ADGRL2: variants seen among roughly 807,000 people sequenced by gnomAD.
ADGRL2 encodes calcium-independent alpha-latrotoxin receptor 2.
A neutral mutation model predicts 157.4 loss-of-function variants in ADGRL2; 44 were observed. The ratio of observed to expected loss-of-function variants is 0.28; its 90% CI spans 0.22 to 0.36. The LOEUF (loss-of-function observed/expected upper bound fraction) is 0.36, where lower values mean the gene tolerates loss of function less well. ADGRL2 is among the 10% of genes least tolerant of loss of function. The pLI, the probability that ADGRL2 is intolerant of heterozygous loss-of-function variation, is 1.00. For synonymous variants in ADGRL2, 585 were observed against 624.7 expected (o/e 0.94, Z 0.95); for missense variants, 1,510 against 1,768.9 (o/e 0.85, Z 2.63).
At chr1:81,750,583 G>T (rs550768473) in intron 1 of ADGRL2, among the ~76,000 whole-genome samples, 29 of 152,132 alleles carry the variant, frequency 1.9e-4, no homozygotes, top group African/African-American at 6.7e-4. Context: ...CCAGGCATGA[G>T]GGCAGGTGCC....
intron 1 of ADGRL2, among the ~76,000 whole-genome samples, chr1:81,414,764 G>C (rs1474238863): frequency 6.6e-6 from 1 of 152,202 alleles, no homozygotes; most frequent in African/African-American, 2.4e-5. Context: ...TTTGGTGATG[G>C]GAAAAGCTTT....
In ADGRL2 at chr1:81,888,104, C is replaced by T. The variant is rs369436601; in HGVS notation, c.74-18913C>T. On this transcript the variant is annotated intron_variant, in intron 2 of 23. Transcript: ENST00000686636. ...GCTAGGATTAGCTCTCCTTTTAGAA[C>T]GATGAAAGTAGTAATGTGATTGTTG... Among the ~76,000 whole-genome samples, 30 of 152,100 alleles carry T rather than the reference C, an allele frequency of 2.0e-4. No individual in the cohort carries two copies. The East Asian group carries it at 4.3e-3, about 22-fold the overall frequency.
intron 1 of ADGRL2, among the ~76,000 whole-genome samples, chr1:81,391,083 A>C (rs2076542843): frequency 6.6e-6 from 1 of 152,308 alleles, no homozygotes. Context: ...GCTTTAGTTT[A>C]GCATATGCTG....
chr1:81,572,295 A>G (rs2080711197), intron 2 of ADGRL2, among the ~76,000 whole-genome samples: 2 of 152,228 alleles, frequency 1.3e-5, no homozygotes. Flanking sequence ...CTCTTATTAT[A>G]TCTACTACAG....
chr1:81,929,258 T>C (rs945026330), intron 3 of ADGRL2, among the ~76,000 whole-genome samples: 2 of 152,188 alleles, frequency 1.3e-5, no homozygotes, highest in Non-Finnish European at 2.9e-5. Context: ...GAAAATGGCA[T>C]CCTGTGGCCT....
Position 81,991,140 on chromosome 1 carries a change from C to G in ADGRL2, c.4405C>G (p.Leu1469Val). Reference protein sequence around the residue: ...REGQMQLVTSL With the variant: ...REGQMQLVTSV The stretch of plus-strand genomic sequence containing the variant: ...AGGACAAATGCAGCTGGTTACAAGT[C>G]TTTAATCATACAGCTAAGGAATTCC... The change falls in exon 24 of 24, where the codon CTT (leucine) becomes GTT (valine). Residue 1469 changes from leucine (L) to valine (V), a missense_variant. This residue lies in a region of ADGRL2 where 327 missense variants were observed against 310.1 expected (regional missense o/e 1.05). Transcript: ENST00000686636. The G allele has an allele frequency of 6.3e-7, 1 of 1,599,704 alleles. No individual in the cohort carries two copies.
intron 2 of ADGRL2, among the ~76,000 whole-genome samples, chr1:81,792,366 T>A (rs1272922743): frequency 6.6e-6 from 1 of 152,196 alleles, no homozygotes; most frequent in Non-Finnish European, 1.5e-5. Flanking sequence ...GTCACACTGG[T>A]GATGTCAAGG....
chr1:81,669,745 A>G (rs2082830600), intron 3 of ADGRL2, among the ~76,000 whole-genome samples: 1 of 152,056 alleles, frequency 6.6e-6, no homozygotes, highest in Admixed American at 6.5e-5. Context: ...GATCGAGACC[A>G]TCCTGGCTAA....
intron 1 of ADGRL2, among the ~76,000 whole-genome samples, chr1:81,436,389 C>T (rs2101647851): frequency 6.6e-6 from 1 of 152,298 alleles, no homozygotes; most frequent in Non-Finnish European, 1.5e-5. Flanking sequence ...ATCTAACATA[C>T]CTGACAAAAG....
At chr1:81,908,032 T>C (rs892154475) in intron 3 of ADGRL2, among the ~76,000 whole-genome samples, 86 of 152,166 alleles carry the variant, frequency 5.7e-4, no homozygotes, top group African/African-American at 2.0e-3. Context: ...CGCATTATCT[T>C]TTCTATTTTA....
intron 2 of ADGRL2, among the ~76,000 whole-genome samples, chr1:81,837,645 T>C (rs2092350069): frequency 6.6e-6 from 1 of 151,978 alleles, no homozygotes; most frequent in Non-Finnish European, 1.5e-5. Context: ...ATTAAACATT[T>C]TTAAAATCTA....
At chr1:81,340,345 G>C (rs1661980406) in intron 1 of ADGRL2, among the ~76,000 whole-genome samples, 1 of 152,104 alleles carries the variant, frequency 6.6e-6, no homozygotes, top group Non-Finnish European at 1.5e-5. Context: ...TAATATCCAA[G>C]CTTCTGCTTT....
intron 2 of ADGRL2, among the ~76,000 whole-genome samples, chr1:81,792,574 A>T (rs1000017808): frequency 6.6e-6 from 1 of 152,194 alleles, no homozygotes; most frequent in African/African-American, 2.4e-5. Context: ...TATTCAAAAG[A>T]TAAATCATTT....
chr1:81,657,009 C>CA (rs11383698), intron 3 of ADGRL2, among the ~76,000 whole-genome samples: 67,831 of 109,182 alleles, frequency 0.62, 19,740 homozygotes, highest in East Asian at 0.73. Context: ...GACCCTGTCT[C>CA]AAAAAAAAAA....
At chr1:81,715,319 A>AT (rs956727394) in intron 1 of ADGRL2, among the ~76,000 whole-genome samples, 29 of 151,422 alleles carry the variant, frequency 1.9e-4, no homozygotes, top group African/African-American at 6.8e-4. Context: ...AAAGAGACAT[A>AT]TATATATATA....
chr1:81,428,504 A>T (rs537314023), intron 1 of ADGRL2, among the ~76,000 whole-genome samples: 4 of 152,180 alleles, frequency 2.6e-5, no homozygotes, highest in Non-Finnish European at 5.9e-5. Flanking sequence ...TAACATGCAA[A>T]CGCATGGGAG....
intron 1 of ADGRL2, among the ~76,000 whole-genome samples, chr1:81,758,849 C>T (rs185881041): frequency 8.5e-5 from 13 of 152,276 alleles, no homozygotes; most frequent in Admixed American, 7.9e-4. Flanking sequence ...TCTTAGTTTT[C>T]TAAGACATTT....
At position 81,984,575 on chromosome 1, in the gene ADGRL2, C is replaced by G; in HGVS notation, c.3283-8C>G. The G allele has an allele frequency of 6.3e-7, 1 of 1,593,172 alleles. No individual in the cohort carries two copies. The highest frequency in any genetic ancestry group is 1.3e-5 in the African/African-American group (1 of 74,594). ...TTAATCCCTTGGTCTTGTGATTATT[C>G]AATGCAGGTACGAAAAGAATATGGC... On this transcript the variant is annotated splice_polypyrimidine_tract_variant and splice_region_variant and intron_variant, in intron 19 of 23. Transcript: ENST00000686636.
chr1:81,906,223 T>C (rs1403564941), intron 2 of ADGRL2, among the ~76,000 whole-genome samples: 1 of 152,188 alleles, frequency 6.6e-6, no homozygotes, highest in African/African-American at 2.4e-5. Flanking sequence ...TTAGGTATTC[T>C]TTTCTTCCCT....
Sources: gnomAD v4.1 joint callset for allele counts (sites outside exome capture counted in the v4.1 genomes callset) on GRCh38, gnomAD v4.1.1 for gene constraint, gnomAD v4.1.1 regional missense constraint, MANE v1.5 for transcripts, NCBI Gene and HGNC (gene_info 2026-07-23, HGNC 2026-07-21) for gene names.